ANAPC2: variants seen among roughly 807,000 people sequenced by gnomAD.
ANAPC2 encodes anaphase promoting complex subunit 2, also known as anaphase-promoting complex subunit 2.
ANAPC2 carries 29 observed loss-of-function variants against 84.3 expected under a neutral mutation model. That is an observed-to-expected ratio of 0.34 (90% confidence interval 0.26 to 0.47). The LOEUF (loss-of-function observed/expected upper bound fraction) is 0.47. ANAPC2 is among the 20% of genes least tolerant of loss of function. The probability of loss-of-function intolerance (pLI) is 1.00; values close to 1 mark genes in which losing one functional copy is unlikely to be tolerated. For missense variants in ANAPC2, 857 were observed against 1,131.7 expected, an observed-to-expected ratio of 0.76 and a Z score of 3.48; for synonymous variants, 571 against 479.4, an observed-to-expected ratio of 1.19 and a Z score of -2.50.
At chr9:137,185,838 G>C (rs1834453763) in intron 3 of ANAPC2, among the ~76,000 whole-genome samples, 1 of 152,202 alleles carries the variant, frequency 6.6e-6, no homozygotes, top group South Asian at 2.1e-4. Context: ...CAGGCTGGCT[G>C]TAGGTCAGTC....
At position 137,175,751 on chromosome 9, in the gene ANAPC2, G is replaced by T; in HGVS notation, c.1977C>A (p.Val659=). Residue 659 remains valine (V), a synonymous_variant, in exon 11 of 13, where the codon GTC becomes GTA. Transcript: ENST00000323927. ...GCAAGATCACCGCCTGTACTGGGGTGACCGCCACAGACAGCGTGCGGTCGG... is the reference window on the plus strand; with the variant it reads ...GCAAGATCACCGCCTGTACTGGGGTTACCGCCACAGACAGCGTGCGGTCGG... ...ELADRTLSVA[V]TPVQAVILLY... 1 of 1,611,948 alleles carries T rather than the reference G, an allele frequency of 6.2e-7. No homozygotes were observed. Among genetic ancestry groups the T allele is most frequent in the South Asian group, 1.1e-5 (1 of 90,832 alleles).
intron 7 of ANAPC2, 54 bp from the exon 8 acceptor site, chr9:137,180,983 G>T: frequency 1.3e-6 from 2 of 1,593,828 alleles, no homozygotes. Context: ...CAAGGACAGG[G>T]CCGCCCTCCT....
At chr9:137,178,605 C>T (rs1004655610) in intron 10 of ANAPC2, among the ~76,000 whole-genome samples, 3 of 152,216 alleles carry the variant, frequency 2.0e-5, no homozygotes, top group South Asian at 2.1e-4. Flanking sequence ...CAGAACACAG[C>T]GGGGCACGGT....
At chr9:137,184,423 G>A (rs564431542) in intron 4 of ANAPC2, among the ~76,000 whole-genome samples, 40 of 145,852 alleles carry the variant, frequency 2.7e-4, no homozygotes, top group Non-Finnish European at 9.0e-5. Context: ...GAGCCCAGAC[G>A]CAGACACAGA....
At chr9:137,186,494 C>T in intron 2 of ANAPC2, 138 bp from the exon 3 acceptor site, 1 of 1,250,704 alleles carries the variant, frequency 8.0e-7, no homozygotes, top group Non-Finnish European at 1.1e-6. Flanking sequence ...CACACCTCCC[C>T]ACAATCCTCA....
At chr9:137,182,557 C>T (rs1223534490) in intron 6 of ANAPC2, among the ~76,000 whole-genome samples, 5 of 152,176 alleles carry the variant, frequency 3.3e-5, no homozygotes, top group Non-Finnish European at 5.9e-5. Flanking sequence ...AGGCCAGTTA[C>T]AGCCACAAAG....
rs1030980452 is a variant in ANAPC2, at chr9:137,187,342, G to A, written c.740+139C>T. 16 of 1,122,124 alleles carry A rather than the reference G, an allele frequency of 1.4e-5. No individual in the cohort carries two copies. The African/African-American group carries it at 2.0e-4, about 14-fold the overall frequency. The allele number at this position is 1,122,124 out of a possible 1,614,324, so 69.5% of individuals were successfully genotyped here. On this transcript the variant is annotated intron_variant, in intron 2 of 12. Transcript: ENST00000323927. ...CCTGTGTCCAGGACACGCTGCACAG[G>A]AATCCCTGGGACTCTCTCTCTGTCA...
intron 10 of ANAPC2, chr9:137,176,195 ACAGGCAGGC>A: frequency 5.5e-6 from 1 of 182,540 alleles, no homozygotes; most frequent in African/African-American, 2.7e-5. Flanking sequence ...ATAGGAAGAC[ACAGGCAGGC>A]GGGGAGGGGG....
At chr9:137,182,000 A>G in intron 6 of ANAPC2, 138 bp from the exon 7 acceptor site, 2 of 885,644 alleles carry the variant, frequency 2.3e-6, no homozygotes, top group South Asian at 2.0e-5. Context: ...GCTATGTACT[A>G]AACACAGGCC....
intron 4 of ANAPC2, among the ~76,000 whole-genome samples, chr9:137,184,546 CCCCAGACGCAGACACAGGGAG>C (rs1834417323): frequency 7.3e-6 from 1 of 137,408 alleles, no homozygotes; most frequent in Non-Finnish European, 1.5e-5. Context: ...GCCCTGGGAG[CCCCAGACGCAGACACAGGGAG>C]CCCAGACGCA....
At position 137,180,934 on chromosome 9, in the gene ANAPC2, CATG is replaced by C; in HGVS notation, c.1469-8_1469-6del. On this transcript the variant is annotated splice_region_variant and splice_polypyrimidine_tract_variant and intron_variant, in intron 7 of 12. Coordinates refer to ENST00000323927, the MANE Select transcript of ANAPC2 (RefSeq NM_013366.4). ...GCCGCTTGGAGCTCGACTTCCCTGGCATGGTGGGGGCAGGGGTGTCACCTGACA... is the reference window on the plus strand; with the variant it reads ...GCCGCTTGGAGCTCGACTTCCCTGGCGTGGGGGCAGGGGTGTCACCTGACA... 1.2e-5 allele frequency: 20 copies of C among 1,612,702 alleles called. No homozygotes were observed. The highest frequency in any genetic ancestry group is 1.7e-5 in the Non-Finnish European group (20 of 1,179,692).
Position 137,175,921 on chromosome 9 carries a change from A to G in ANAPC2, c.1891-84T>C. The G allele has an allele frequency of 3.4e-6, 5 of 1,475,796 alleles. No homozygotes were observed. In the South Asian group the frequency reaches 6.7e-5, roughly 20 times the overall value. The allele number at this position is 1,475,796 out of a possible 1,614,324, so 91.4% of individuals were successfully genotyped here. A position where few individuals can be genotyped will look rare whatever the true frequency, so the allele number is the denominator to read the frequency against. On this transcript the variant is annotated intron_variant, in intron 10 of 12. Transcript: ENST00000323927. ...CTCTGCCACCTGGTACCAGTGAGAAAGGGGCTCCCAGAGCCACCTGCCCCA... is the reference window on the plus strand; with the variant it reads ...CTCTGCCACCTGGTACCAGTGAGAAGGGGGCTCCCAGAGCCACCTGCCCCA...
In ANAPC2 at chr9:137,183,714, C is replaced by G. The variant is rs779727775; in HGVS notation, c.1126G>C (p.Val376Leu). 1.2e-6 allele frequency: 2 copies of G among 1,612,780 alleles called. No individual in the cohort carries two copies. Among genetic ancestry groups the G allele is most frequent in the Non-Finnish European group, 1.7e-6 (2 of 1,179,828 alleles). ...GTCTCCAGGGCAGCCTTGAGGGACA[C>G]GAGCAGCTGCTGCCTCTGGTCCGTC... ...ERTDQRQQLLVSLKAALETRL... is the reference protein window; with the variant it reads ...ERTDQRQQLLLSLKAALETRL... The change falls in exon 5 of 13, where the codon GTG becomes CTG. Residue 376 changes from valine to leucine, a missense_variant. Physicochemically the swap from Val to Leu is conservative, Grantham distance 32 (BLOSUM62 1). Coordinates refer to ENST00000323927, the MANE Select transcript of ANAPC2 (RefSeq NM_013366.4).
At chr9:137,188,323 G>A in intron 1 of ANAPC2, 93 bp downstream of exon 1, 2 of 1,409,374 alleles carry the variant, frequency 1.4e-6, no homozygotes, top group Non-Finnish European at 1.9e-6. Context: ...GCGGATGATG[G>A]ACAGAGCCGT....
intron 10 of ANAPC2, among the ~76,000 whole-genome samples, chr9:137,179,741 C>T (rs1232713235): frequency 3.9e-5 from 6 of 152,224 alleles, no homozygotes; most frequent in Non-Finnish European, 8.8e-5. Flanking sequence ...GGGTCAGGTG[C>T]GCCTGGGAGT....
rs781501202 is a variant in ANAPC2 at position 137,175,306 on chromosome 9, G to C, written c.2187C>G (p.Leu729=). ...ERPQDRDNMV[L]IDSDDESDSG... ...AGTCGCTCTCGTCGTCACTGTCAAT[G>C]AGCACCATGTTGTCCCGGTCCTGAG... The change falls in exon 12 of 13, where the codon CTC becomes CTG. Residue 729 remains leucine, a synonymous_variant. Transcript: ENST00000323927. The C allele has an allele frequency of 6.2e-6, 10 of 1,612,562 alleles. No homozygotes were observed. The East Asian group carries it at 1.8e-4, about 29-fold the overall frequency.
intron 2 of ANAPC2, chr9:137,186,952 T>C (rs963412476): frequency 1.2e-5 from 2 of 167,762 alleles, no homozygotes; most frequent in African/African-American, 4.8e-5. Flanking sequence ...CCCCGTTCAA[T>C]GTGACAAAAC....
intron 4 of ANAPC2, 46 bp from the exon 5 acceptor site, chr9:137,183,837 G>A (rs377726632): frequency 8.7e-6 from 14 of 1,602,874 alleles, no homozygotes; most frequent in African/African-American, 6.7e-5. Flanking sequence ...GGATGCGTGC[G>A]CACGTGCAGG....
At chr9:137,183,822 G>C (rs1445838943) in intron 4 of ANAPC2, 31 bp from the exon 5 acceptor site, 1 of 1,610,562 alleles carries the variant, frequency 6.2e-7, no homozygotes, top group African/African-American at 1.3e-5. Context: ...CTCAGGGACA[G>C]ACATGGATGC....
Sources: allele counts gnomAD v4.1 joint callset (sites outside exome capture counted in the v4.1 genomes callset), GRCh38; gene constraint gnomAD v4.1.1; transcripts MANE v1.5; gene names NCBI Gene and HGNC (gene_info 2026-07-23, HGNC 2026-07-21).